Variants in GNL2 observed in about 807,000 individuals in gnomAD.
The protein encoded by GNL2 is G protein nucleolar 2.
A neutral mutation model predicts 92.3 loss-of-function variants in GNL2; 51 were observed. The observed-to-expected ratio is 0.55, with a 90% CI of 0.44 to 0.70. GNL2 has a LOEUF of 0.70. Ranked by LOEUF, GNL2 falls within the 30% of genes least tolerant of loss-of-function variation. GNL2 has a pLI of 0.00. For missense variants in GNL2, 844 were observed against 895.6 expected (o/e 0.94, Z 0.74); for synonymous variants, 283 against 300.6 (o/e 0.94, Z 0.61).
rs543770602 is a variant in GNL2, at chr1:37,574,911, T to C, written c.1144-88A>G. On this transcript the variant is annotated intron_variant, in intron 10 of 15. Coordinates refer to ENST00000373062, the MANE Select transcript of GNL2 (RefSeq NM_013285.3). ...TGTCCTTTGCAGCACTATTTGAAAA[T>C]AGACTTCAACATCACAAAGCTCGTG... is the stretch of plus-strand genomic sequence containing the variant. 6.6e-5 allele frequency: 61 copies of C among 924,778 alleles called. No individual in the cohort carries two copies. The African/African-American group carries it at 6.7e-4, about 10-fold the overall frequency. 57.3% of individuals were successfully genotyped at this position (924,778 alleles called of 1,614,324 possible).
intron 5 of GNL2, among the ~76,000 whole-genome samples, chr1:37,586,844 C>T (rs2294875): frequency 0.53 from 81,352 of 152,070 alleles, 22,804 homozygotes; most frequent in East Asian, 0.63. Flanking sequence ...ATTTCACCAA[C>T]GTCTCCAGTC....
Position 37,585,396 on chromosome 1 carries a change from T to C in GNL2, c.570-1463A>G, listed in dbSNP as rs1335405023. ...ACATATATTTTACCACAATAAAACATTAAACTAAAAAAAAGCATGACTGAA... is the reference window on the plus strand; with the variant it reads ...ACATATATTTTACCACAATAAAACACTAAACTAAAAAAAAGCATGACTGAA... On this transcript the variant is annotated intron_variant, in intron 5 of 15. Transcript: ENST00000373062. 1.1e-4 allele frequency among the ~76,000 whole-genome samples: 16 copies of C among 152,014 alleles called. No homozygotes were observed. In the East Asian group the frequency reaches 2.5e-3, roughly 24 times the overall value.
chr1:37,577,278 A>G (rs1459944120), intron 8 of GNL2, among the ~76,000 whole-genome samples: 1 of 152,144 alleles, frequency 6.6e-6, no homozygotes, highest in Non-Finnish European at 1.5e-5. Flanking sequence ...CTGCATTTCC[A>G]CTGCCAAAAA....
chr1:37,581,678 C>CT, intron 8 of GNL2: 2 of 363,530 alleles, frequency 5.5e-6, no homozygotes, highest in Non-Finnish European at 1.1e-5. Flanking sequence ...TCTTCTTCTT[C>CT]TTTTTTTGAG....
At chr1:37,595,701 G>A (rs1217234911) in intron 1 of GNL2, 58 bp downstream of exon 1, 11 of 1,445,100 alleles carry the variant, frequency 7.6e-6, no homozygotes, top group Admixed American at 6.7e-5. Context: ...AGTGCTCCTC[G>A]GAGCCCTTCC....
chr1:37,595,831 C>T lies in GNL2; in HGVS notation c.-9G>A. 2 of 1,613,974 alleles carry T rather than the reference C, an allele frequency of 1.2e-6. No individual in the cohort carries two copies. The highest frequency in any genetic ancestry group is 1.7e-6 in the Non-Finnish European group (2 of 1,179,804). On this transcript the variant is annotated 5_prime_UTR_variant, in exon 1 of 16. Transcript: ENST00000373062. The stretch of plus-strand genomic sequence containing the variant: ...TACTTGGGCTTCACCATCTTGGCGA[C>T]GAGACCGGGACCGGAGTGCGAGGTC...
intron 4 of GNL2, among the ~76,000 whole-genome samples, chr1:37,588,639 G>A (rs1199685947): frequency 6.6e-6 from 1 of 151,798 alleles, no homozygotes; most frequent in African/African-American, 2.4e-5. Flanking sequence ...CTACACATTA[G>A]TAAGTATAAC....
chr1:37,576,277 C>T (rs747580452), intron 9 of GNL2, 151 bp downstream of exon 9: 5 of 686,894 alleles, frequency 7.3e-6, no homozygotes, highest in Non-Finnish European at 1.2e-5. Flanking sequence ...GCAGAAACAA[C>T]TCTGATACGT....
intron 4 of GNL2, among the ~76,000 whole-genome samples, chr1:37,590,388 T>C (rs1423722379): frequency 6.6e-6 from 1 of 152,226 alleles, no homozygotes; most frequent in Non-Finnish European, 1.5e-5. Flanking sequence ...ATTACAGGCG[T>C]GAGCCACTGT....
In GNL2 at chr1:37,583,971, C is replaced by A. The variant is rs768110132; in HGVS notation, c.570-38G>T. 1.3e-5 allele frequency: 14 copies of A among 1,111,098 alleles called. 1 individual carries two copies. The South Asian group carries it at 1.6e-4, about 13-fold the overall frequency. 68.8% of individuals were successfully genotyped at this position (1,111,098 alleles called of 1,614,324 possible). A position where few individuals can be genotyped will look rare whatever the true frequency, so the allele number is the denominator to read the frequency against. Reference sequence around the variant, plus strand: ...GCACCCCAAATGAGCAACTGAAGCACCATCAAGACTAAAAGGATGCTTTAG... The same window carrying A: ...GCACCCCAAATGAGCAACTGAAGCAACATCAAGACTAAAAGGATGCTTTAG... On this transcript the variant is annotated intron_variant, in intron 5 of 15. Transcript: ENST00000373062.
intron 2 of GNL2, among the ~76,000 whole-genome samples, 173 bp from the exon 3 acceptor site, chr1:37,592,979 A>G (rs558327410): frequency 6.6e-6 from 1 of 152,350 alleles, no homozygotes; most frequent in South Asian, 2.1e-4. Context: ...AGATTGCCCA[A>G]AAGCCATTTA....
intron 1 of GNL2, 46 bp downstream of exon 1, chr1:37,595,713 T>A: frequency 1.3e-6 from 2 of 1,549,230 alleles, no homozygotes; most frequent in Non-Finnish European, 1.8e-6. Context: ...AGCCCTTCCC[T>A]ATACTTCCTC....
Position 37,568,315 on chromosome 1 carries a change from T to C in GNL2, c.1911A>G (p.Glu637=), listed in dbSNP as rs1314096327. 6.2e-7 allele frequency: 1 copy of C among 1,610,520 alleles called. No homozygotes were observed. Among genetic ancestry groups the C allele is most frequent in the Non-Finnish European group, 8.5e-7 (1 of 1,176,654 alleles). Residue 637 remains glutamate (E), a synonymous_variant, in exon 14 of 16, where the codon GAA becomes GAG. Transcript: ENST00000373062. ...GLSEKIFAKP[E]EQRKTLEEDV... Reference sequence around the variant, plus strand: ...CTTCTTCCAGTGTTTTTCTTTGTTCTTCAGGTTTTGCAAATATCTTTTCAC... The same window carrying C: ...CTTCTTCCAGTGTTTTTCTTTGTTCCTCAGGTTTTGCAAATATCTTTTCAC...
chr1:37,576,610 G>A (rs1047992908), intron 8 of GNL2, 54 bp from the exon 9 acceptor site: 1 of 1,559,768 alleles, frequency 6.4e-7, no homozygotes. Flanking sequence ...TATCCCTTTG[G>A]ACAAGTAGGT....
chr1:37,588,893 T>C (rs1033433926), intron 4 of GNL2, among the ~76,000 whole-genome samples: 3 of 152,226 alleles, frequency 2.0e-5, no homozygotes, highest in Non-Finnish European at 4.4e-5. Flanking sequence ...CATCAATTAC[T>C]CTGAGCAGCT....
intron 8 of GNL2, among the ~76,000 whole-genome samples, chr1:37,580,676 G>A (rs368822529): frequency 3.9e-5 from 6 of 152,320 alleles, no homozygotes; most frequent in Non-Finnish European, 7.3e-5. Context: ...CCAGCCCTGC[G>A]GAGGACGGAG....
intron 12 of GNL2, 182 bp from the exon 13 acceptor site, chr1:37,569,484 C>T (rs920554843): frequency 1.7e-6 from 1 of 587,862 alleles, no homozygotes; most frequent in African/African-American, 1.9e-5. Context: ...GCCCAGAGAT[C>T]AGTACTAGGA....
chr1:37,585,162 G>A (rs150372166), intron 5 of GNL2, among the ~76,000 whole-genome samples: 1,620 of 149,062 alleles, frequency 0.011, 31 homozygotes, highest in African/African-American at 0.038. Context: ...GGGTTTAAGC[G>A]ATTCCCCAGC....
chr1:37,595,548 G>C (rs563343754), intron 1 of GNL2, among the ~76,000 whole-genome samples: 1 of 152,180 alleles, frequency 6.6e-6, no homozygotes, highest in East Asian at 1.9e-4. Context: ...TGGCCTGCCA[G>C]GCGTGCACTG....
Sources: allele counts gnomAD v4.1 joint callset (sites outside exome capture counted in the v4.1 genomes callset), GRCh38; gene constraint gnomAD v4.1.1; transcripts MANE v1.5; gene names NCBI Gene and HGNC (gene_info 2026-07-23, HGNC 2026-07-21).